The following SOX5 variants were observed in gnomAD, a reference collection of about 807,000 sequenced individuals.
SOX5 encodes transcription factor SOX-5.
SOX5 carries 9 observed loss-of-function variants against 92.0 expected under a neutral mutation model. The ratio of observed to expected loss-of-function variants is 0.10; its 90% CI spans 0.06 to 0.17. The LOEUF (loss-of-function observed/expected upper bound fraction) is 0.17. Among genes scored for constraint, SOX5 ranks in the 10% least tolerant of loss-of-function variants. The pLI is 1.00. For missense variants in SOX5, 642 were observed against 944.5 expected, an observed-to-expected ratio of 0.68 and a Z score of 4.20; for synonymous variants, 344 against 336.3, an observed-to-expected ratio of 1.02 and a Z score of -0.25.
chr12:24,077,032 A>C (rs1942712509), intron 4 of SOX5, among the ~76,000 whole-genome samples: 1 of 152,158 alleles, frequency 6.6e-6, no homozygotes, highest in Non-Finnish European at 1.5e-5. Context: ...CAAATGTTTT[A>C]AAACTCTTTG....
intron 4 of SOX5, among the ~76,000 whole-genome samples, chr12:24,132,054 C>T (rs1239762812): frequency 1.3e-5 from 2 of 152,112 alleles, no homozygotes; most frequent in Non-Finnish European, 1.5e-5. Flanking sequence ...CATTGTGTTA[C>T]GTTCCCATTC....
At chr12:23,823,993 G>T (rs183818752) in intron 3 of SOX5, among the ~76,000 whole-genome samples, 1 of 152,292 alleles carries the variant, frequency 6.6e-6, no homozygotes, top group Non-Finnish European at 1.5e-5. Context: ...CTCTAAACTG[G>T]TTATTCTAGT....
intron 3 of SOX5, among the ~76,000 whole-genome samples, chr12:24,214,484 T>C (rs554193720): frequency 9.2e-5 from 14 of 152,118 alleles, no homozygotes; most frequent in African/African-American, 1.4e-4. Context: ...ATTTTTTATA[T>C]GGGGAAGTTC....
At chr12:24,507,608 C>T (rs1948918811) in intron 1 of SOX5, among the ~76,000 whole-genome samples, 1 of 152,084 alleles carries the variant, frequency 6.6e-6, no homozygotes, top group African/African-American at 2.4e-5. Flanking sequence ...TTTGCAACAA[C>T]TTAGAAATTT....
intron 4 of SOX5, among the ~76,000 whole-genome samples, chr12:24,189,833 T>C (rs1956354788): frequency 6.6e-6 from 1 of 152,162 alleles, no homozygotes; most frequent in Admixed American, 6.5e-5. Flanking sequence ...AATCAAGACA[T>C]TGTCCAAATA....
intron 1 of SOX5, among the ~76,000 whole-genome samples, chr12:23,916,791 C>T (rs1307824257): frequency 6.6e-6 from 1 of 152,140 alleles, no homozygotes; most frequent in Non-Finnish European, 1.5e-5. Context: ...TCAACATGGG[C>T]ATCAATCCAG....
chr12:23,907,199 C>A (rs1014569730), intron 1 of SOX5, among the ~76,000 whole-genome samples: 1 of 151,460 alleles, frequency 6.6e-6, no homozygotes, highest in African/African-American at 2.4e-5. Flanking sequence ...TGTGTGCACA[C>A]GTGCGTGCAG....
chr12:23,728,971 T>C (rs951039410), intron 6 of SOX5, among the ~76,000 whole-genome samples: 1 of 151,984 alleles, frequency 6.6e-6, no homozygotes, highest in Non-Finnish European at 1.5e-5. Flanking sequence ...AGTTCTAAAA[T>C]CATATGAATA....
At chr12:23,825,865 GA>G (rs541161595) in intron 3 of SOX5, among the ~76,000 whole-genome samples, 10 of 151,576 alleles carry the variant, frequency 6.6e-5, no homozygotes, top group African/African-American at 2.2e-4. Flanking sequence ...AAAAAGCAAA[GA>G]AAAAAAATCT....
intron 4 of SOX5, among the ~76,000 whole-genome samples, chr12:24,136,830 T>C (rs1021764727): frequency 6.6e-6 from 1 of 152,242 alleles, no homozygotes; most frequent in Non-Finnish European, 1.5e-5. Context: ...TTTGCTTTTG[T>C]TTCTAAATAT....
At chr12:24,178,977 T>C (rs750046513) in intron 4 of SOX5, among the ~76,000 whole-genome samples, 9 of 152,190 alleles carry the variant, frequency 5.9e-5, no homozygotes, top group Non-Finnish European at 1.3e-4. Context: ...GAAATAGAAT[T>C]TGATACAAAA....
In SOX5 at chr12:24,371,911, C is replaced by T. The variant is rs139017683; in HGVS notation, c.-250-3272G>A. On this transcript the variant is annotated intron_variant, in intron 1 of 4. Coordinates refer to the SOX5 transcript ENST00000446891. ...GCTGAGGCAGAAGAATGGCTTGAAC[C>T]CAGGAAGTGGAGGTTGCAGTGAGCC... Among the ~76,000 whole-genome samples, 1,110 of 151,914 alleles carry T rather than the reference C, an allele frequency of 7.3e-3. 12 individuals are homozygous for T. The highest frequency in any genetic ancestry group is 0.024 in the African/African-American group (1,007 of 41,438).
intron 2 of SOX5, among the ~76,000 whole-genome samples, chr12:24,352,295 T>G (rs1954181877): frequency 6.6e-6 from 1 of 152,206 alleles, no homozygotes; most frequent in African/African-American, 2.4e-5. Context: ...TCTACTTGAC[T>G]ACTGAAAATT....
intron 4 of SOX5, among the ~76,000 whole-genome samples, chr12:24,036,545 CTAAG>C (rs889610774): frequency 5.8e-4 from 88 of 152,200 alleles, no homozygotes; most frequent in African/African-American, 2.0e-3. Flanking sequence ...TTTTATGGAA[CTAAG>C]TAATAAGCTG....
rs982323445 is a variant in SOX5 at position 24,312,224 on chromosome 12, T to A, written c.-173-34912A>T. ...TTCTGAGCTTTCTGCAGTTTTAATC[T>A]AAACTTTTTTTGTATTTAAGCTTTG... is the stretch of plus-strand genomic sequence containing the variant. On this transcript the variant is annotated intron_variant, in intron 2 of 4. Coordinates refer to the SOX5 transcript ENST00000446891. Among the ~76,000 whole-genome samples the A allele has an allele frequency of 1.3e-5, 2 of 152,224 alleles. 1 individual carries two copies. Among genetic ancestry groups the A allele is most frequent in the African/African-American group, 4.8e-5 (2 of 41,454 alleles).
intron 1 of SOX5, among the ~76,000 whole-genome samples, chr12:24,440,278 TTAGA>T (rs961899382): frequency 4.6e-5 from 7 of 152,188 alleles, no homozygotes; most frequent in African/African-American, 1.4e-4. Flanking sequence ...AACTTCTACC[TTAGA>T]TAATCTACTC....
At chr12:23,820,432 A>G (rs1396472719) in intron 3 of SOX5, among the ~76,000 whole-genome samples, 2 of 152,126 alleles carry the variant, frequency 1.3e-5, no homozygotes, top group East Asian at 3.9e-4. Flanking sequence ...GTTTAATTAG[A>G]TCCCATTTGT....
At chr12:23,562,570 CAT>C (rs1946397802) in intron 11 of SOX5, among the ~76,000 whole-genome samples, 2 of 152,114 alleles carry the variant, frequency 1.3e-5, no homozygotes. Context: ...CAGTTCAAAA[CAT>C]ATCAACTATT....
chr12:23,675,030 T>C (rs2085440201), intron 6 of SOX5, among the ~76,000 whole-genome samples: 1 of 152,140 alleles, frequency 6.6e-6, no homozygotes, highest in Non-Finnish European at 1.5e-5. Flanking sequence ...AAAATTTTTT[T>C]GATATTTGAC....
Sources: gnomAD v4.1 joint callset for allele counts (sites outside exome capture counted in the v4.1 genomes callset) on GRCh38, gnomAD v4.1.1 for gene constraint, MANE v1.5 for transcripts, NCBI Gene and HGNC (gene_info 2026-07-23, HGNC 2026-07-21) for gene names.